The following SLC4A7 variants were observed in gnomAD, a reference collection of about 807,000 sequenced individuals.
SLC4A7 encodes the protein sodium bicarbonate cotransporter 3.
SLC4A7 carries 51 observed loss-of-function variants against 137.6 expected under a neutral mutation model. The ratio of observed to expected loss-of-function variants is 0.37; its 90% confidence interval spans 0.30 to 0.47. The LOEUF (loss-of-function observed/expected upper bound fraction) is 0.47. Ranked by LOEUF, SLC4A7 falls within the 20% of genes least tolerant of loss-of-function variation. The probability of loss-of-function intolerance (pLI) is 1.00; values close to 1 mark genes in which losing one functional copy is unlikely to be tolerated. For missense variants in SLC4A7, 1,247 were observed against 1,525.4 expected (o/e 0.82, Z 3.04); for synonymous variants, 542 against 518.6 (o/e 1.05, Z -0.61).
chr3:27,460,395 C>T (rs1403450426), intron 1 of SLC4A7, among the ~76,000 whole-genome samples: 1 of 152,072 alleles, frequency 6.6e-6, no homozygotes, highest in African/African-American at 2.4e-5. Context: ...TATAATAAAG[C>T]CTTCTAAGCT....
intron 1 of SLC4A7, among the ~76,000 whole-genome samples, chr3:27,475,253 T>C (rs570618604): frequency 1.3e-5 from 2 of 151,864 alleles, no homozygotes; most frequent in South Asian, 4.2e-4. Flanking sequence ...GGATACTCCA[T>C]AAGAACACAG....
intron 21 of SLC4A7, 38 bp downstream of exon 21, chr3:27,391,702 A>C: frequency 8.7e-7 from 1 of 1,152,660 alleles, no homozygotes; most frequent in Non-Finnish European, 1.3e-6. Flanking sequence ...TAAAATTATC[A>C]AGTTTCTATA....
At chr3:27,448,155 T>C (rs572253159) in intron 3 of SLC4A7, among the ~76,000 whole-genome samples, 1 of 143,128 alleles carries the variant, frequency 7.0e-6, no homozygotes, top group South Asian at 2.2e-4. Flanking sequence ...GACGTTGCAG[T>C]GAGCCGAGAT....
chr3:27,483,231 G>A (rs988914177), intron 1 of SLC4A7, among the ~76,000 whole-genome samples: 27 of 152,244 alleles, frequency 1.8e-4, no homozygotes, highest in African/African-American at 5.3e-4. Flanking sequence ...CGCTTCTTGA[G>A]CATGGGCCGT....
intron 24 of SLC4A7, among the ~76,000 whole-genome samples, chr3:27,380,783 C>A (rs2050345573): frequency 6.6e-6 from 1 of 152,182 alleles, no homozygotes. Context: ...AATCTGAATA[C>A]CCAAGTTTAT....
intron 6 of SLC4A7, 141 bp from the exon 7 acceptor site, chr3:27,431,810 C>T: frequency 2.6e-6 from 2 of 768,650 alleles, no homozygotes. Flanking sequence ...GTTAGCATGT[C>T]AATCGGGTTT....
intron 3 of SLC4A7, 141 bp downstream of exon 3, chr3:27,448,510 C>T (rs1161728781): frequency 3.8e-6 from 2 of 529,318 alleles, no homozygotes; most frequent in African/African-American, 3.9e-5. Context: ...AATTGATATT[C>T]CCCAATACAA....
intron 7 of SLC4A7, among the ~76,000 whole-genome samples, chr3:27,428,090 G>A (rs1018981267): frequency 2.0e-5 from 3 of 152,148 alleles, no homozygotes; most frequent in African/African-American, 4.8e-5. Context: ...TTTGTTCAAG[G>A]AAAAATAGTA....
At chr3:27,461,739 C>A (rs2058711221) in intron 1 of SLC4A7, among the ~76,000 whole-genome samples, 1 of 151,376 alleles carries the variant, frequency 6.6e-6, no homozygotes. Flanking sequence ...GCGGGCAGAT[C>A]ACTTGAGGTC....
intron 22 of SLC4A7, among the ~76,000 whole-genome samples, chr3:27,386,830 C>A (rs1400872223): frequency 1.3e-5 from 2 of 151,640 alleles, no homozygotes; most frequent in South Asian, 2.1e-4. Context: ...TTTTCCACTA[C>A]AATTTATTTT....
At chr3:27,408,700 T>A (rs2053620914) in intron 13 of SLC4A7, among the ~76,000 whole-genome samples, 1 of 152,196 alleles carries the variant, frequency 6.6e-6, no homozygotes, top group South Asian at 2.1e-4. Flanking sequence ...CTTTCAAGAT[T>A]TTACAAAGCA....
intron 1 of SLC4A7, among the ~76,000 whole-genome samples, chr3:27,461,402 A>C (rs1316111645): frequency 1.3e-5 from 2 of 152,102 alleles, no homozygotes; most frequent in African/African-American, 4.8e-5. Context: ...CTGTCTCAAA[A>C]AAAAACAAAA....
At chr3:27,418,234 GCAATA>G (rs1487696604) in intron 11 of SLC4A7, among the ~76,000 whole-genome samples, 3 of 152,134 alleles carry the variant, frequency 2.0e-5, no homozygotes, top group African/African-American at 4.8e-5. Context: ...AACGGTATAT[GCAATA>G]CACTAACTTT....
intron 5 of SLC4A7, among the ~76,000 whole-genome samples, chr3:27,434,948 T>C (rs1453513894): frequency 2.0e-5 from 3 of 152,158 alleles, no homozygotes; most frequent in Admixed American, 1.3e-4. Flanking sequence ...AAGTACTACA[T>C]GGTATTATGT....
chr3:27,474,905 C>T (rs141715422), intron 1 of SLC4A7, among the ~76,000 whole-genome samples: 67 of 151,994 alleles, frequency 4.4e-4, no homozygotes, highest in African/African-American at 1.6e-3. Flanking sequence ...GTCAGGAGTT[C>T]GAGACCTGCC....
chr3:27,379,284 A>T lies in SLC4A7; in HGVS notation c.3663T>A (p.Asn1221Lys). The T allele has an allele frequency of 6.5e-7, 1 of 1,535,342 alleles. No individual in the cohort carries two copies. Reference sequence around the variant, plus strand: ...ATCTGGTTACTTTGGCATTCTCAGTATTCATGGAAAGTGCCTTCCACTGTG... The same window carrying T: ...ATCTGGTTACTTTGGCATTCTCAGTTTTCATGGAAAGTGCCTTCCACTGTG... ...KTAQWKALSM[N>K]TENAKVTRSN... The change falls in exon 25 of 26, where the codon AAT (asparagine) becomes AAA (lysine). Residue 1221 changes from asparagine to lysine, a missense_variant. Around this residue, in one of 6 missense-constraint regions of SLC4A7, gnomAD observed 290 missense variants for 323.8 expected, o/e 0.90. Transcript: ENST00000454389.
intron 4 of SLC4A7, 48 bp from the exon 5 acceptor site, chr3:27,436,596 T>C (rs1186649001): frequency 3.4e-6 from 4 of 1,175,486 alleles, no homozygotes; most frequent in Admixed American, 4.4e-5. Context: ...GAAGATTCCA[T>C]TTGTTTATCT....
chr3:27,463,633 C>T (rs78079659), intron 1 of SLC4A7, among the ~76,000 whole-genome samples: 1 of 152,234 alleles, frequency 6.6e-6, no homozygotes, highest in Non-Finnish European at 1.5e-5. Flanking sequence ...AGAAAATCTA[C>T]GAGTGGCCTG....
At chr3:27,425,676 C>CAAAAAA (rs59895795) in intron 7 of SLC4A7, among the ~76,000 whole-genome samples, 7 of 61,492 alleles carry the variant, frequency 1.1e-4, no homozygotes, top group Admixed American at 7.6e-4. Context: ...AACTCTGTCT[C>CAAAAAA]AAAAAAAAAA....
Sources: allele counts gnomAD v4.1 joint callset (sites outside exome capture counted in the v4.1 genomes callset), GRCh38; gene constraint gnomAD v4.1.1; regional missense constraint gnomAD v4.1.1; transcripts MANE v1.5; gene names NCBI Gene and HGNC (gene_info 2026-07-23, HGNC 2026-07-21).